The following ZKSCAN5 variants were observed in gnomAD, a reference collection of about 807,000 sequenced individuals.
ZKSCAN5 encodes zinc finger protein with KRAB and SCAN domains 5.
Under a neutral mutation model 60.0 loss-of-function variants are expected in ZKSCAN5, and 28 were observed. The ratio of observed to expected loss-of-function variants is 0.47; its 90% CI spans 0.35 to 0.64. The LOEUF (loss-of-function observed/expected upper bound fraction) is 0.64. Ranked by LOEUF, ZKSCAN5 falls within the 30% of genes least tolerant of loss-of-function variation. The pLI, the probability that ZKSCAN5 is intolerant of heterozygous loss-of-function variation, is 0.01. For missense variants in ZKSCAN5, 881 were observed against 1,034.6 expected, an observed-to-expected ratio of 0.85 and a Z score of 2.04; for synonymous variants, 361 against 371.2, an observed-to-expected ratio of 0.97 and a Z score of 0.31.
chr7:99,512,366 A>G, intron 2 of ZKSCAN5, 87 bp from the exon 3 acceptor site: 1 of 1,504,126 alleles, frequency 6.6e-7, no homozygotes, highest in East Asian at 2.3e-5. Context: ...TTGGCAAAGG[A>G]ATGAATGAAA....
At chr7:99,519,702 A>G (rs1562909462) in intron 3 of ZKSCAN5, 125 bp from the exon 4 acceptor site, 1 of 798,340 alleles carries the variant, frequency 1.3e-6, no homozygotes, top group Non-Finnish European at 2.0e-6. Context: ...CTTGACAGCC[A>G]GGCAGAAGAA....
chr7:99,516,122 C>A (rs1391342661), intron 3 of ZKSCAN5, among the ~76,000 whole-genome samples: 3 of 152,072 alleles, frequency 2.0e-5, no homozygotes, highest in Non-Finnish European at 4.4e-5. Context: ...GGTTTACAGG[C>A]ATGTGCCACC....
At position 99,533,275 on chromosome 7, in the gene ZKSCAN5, T is replaced by C; in HGVS notation, c.*1026T>C. ...TCGTGAGCAGGCAGGCAGGAGGTCC[T>C]GTTAGCCCTGCCTTCCAGGAAGGTT... On this transcript the variant is annotated 3_prime_UTR_variant, in exon 7 of 7. Transcript: ENST00000326775. 1.5e-6 allele frequency: 1 copy of C among 683,856 alleles called. No homozygotes were observed. The highest frequency in any genetic ancestry group is 2.7e-6 in the Non-Finnish European group (1 of 373,338). 42.4% of individuals were successfully genotyped at this position (683,856 alleles called of 1,614,324 possible).
chr7:99,517,029 G>A (rs1239927001), intron 3 of ZKSCAN5, among the ~76,000 whole-genome samples: 1 of 152,162 alleles, frequency 6.6e-6, no homozygotes, highest in African/African-American at 2.4e-5. Flanking sequence ...AACCATAGCT[G>A]ATGAGCTTAA....
chr7:99,506,032 CCT>C lies in ZKSCAN5; in HGVS notation c.-10_-9del. The stretch of plus-strand genomic sequence containing the variant: ...TAACACAGCCAGCCTCGAAGACTTC[CCT>C]CTGAGTTGGAATGATAATGACCGAA... On this transcript the variant is annotated 5_prime_UTR_variant, in exon 2 of 7. Coordinates refer to ENST00000326775, the MANE Select transcript of ZKSCAN5 (RefSeq NM_145102.4). 1 of 1,606,932 alleles carries C rather than the reference CCT, an allele frequency of 6.2e-7. No homozygotes were observed. Among genetic ancestry groups the C allele is most frequent in the Non-Finnish European group, 8.5e-7 (1 of 1,175,544 alleles).
chr7:99,507,839 GA>G (rs144834911), intron 2 of ZKSCAN5, among the ~76,000 whole-genome samples: 95 of 152,044 alleles, frequency 6.2e-4, no homozygotes, highest in Non-Finnish European at 1.1e-3. Context: ...CTGGTAGTTT[GA>G]GGCTGCAGTG....
intron 3 of ZKSCAN5, among the ~76,000 whole-genome samples, chr7:99,513,091 T>A (rs1801116185): frequency 6.6e-6 from 1 of 151,058 alleles, no homozygotes; most frequent in Admixed American, 6.6e-5. Flanking sequence ...GGTTTTTTGT[T>A]CTTGCGATAG....
chr7:99,523,667 GA>G (rs558943649), intron 5 of ZKSCAN5, among the ~76,000 whole-genome samples: 4 of 151,442 alleles, frequency 2.6e-5, no homozygotes, highest in African/African-American at 7.3e-5. Context: ...GAATAAAAGA[GA>G]AAAAAAATAC....
rs985074208 is a variant in ZKSCAN5, at chr7:99,533,666, G to C, written c.*1417G>C. Reference sequence around the variant, plus strand: ...ACACCTGGTTCATTTGATTAAAGCGGAGAAAACTCCAGGGTGCTATGACTG... The same window carrying C: ...ACACCTGGTTCATTTGATTAAAGCGCAGAAAACTCCAGGGTGCTATGACTG... On this transcript the variant is annotated 3_prime_UTR_variant, in exon 7 of 7. Transcript: ENST00000326775. 1.5e-5 allele frequency: 6 copies of C among 401,758 alleles called. No individual in the cohort carries two copies. Among genetic ancestry groups the C allele is most frequent in the Middle Eastern group, 6.2e-4 (1 of 1,618 alleles). 24.9% of individuals were successfully genotyped at this position (401,758 alleles called of 1,614,324 possible). A position where few individuals can be genotyped will look rare whatever the true frequency, so the allele number is the denominator to read the frequency against.
Position 99,513,857 on chromosome 7 carries a change from G to A in ZKSCAN5, c.553+1266G>A, listed in dbSNP as rs932550246. On this transcript the variant is annotated intron_variant, in intron 3 of 6. Transcript: ENST00000326775. Reference sequence around the variant, plus strand: ...AGCCTGGCCAACATGATGAAACCCCGTCATGATGAAACACCGTCTCTACTA... The same window carrying A: ...AGCCTGGCCAACATGATGAAACCCCATCATGATGAAACACCGTCTCTACTA... 38 of 174,090 alleles carry A rather than the reference G, an allele frequency of 2.2e-4. No individual in the cohort carries two copies. In the Admixed American group the frequency reaches 2.3e-3, roughly 11 times the overall value. 10.8% of individuals were successfully genotyped at this position (174,090 alleles called of 1,614,324 possible).
At chr7:99,507,720 C>T (rs900940677) in intron 2 of ZKSCAN5, among the ~76,000 whole-genome samples, 7 of 151,202 alleles carry the variant, frequency 4.6e-5, no homozygotes, top group African/African-American at 9.7e-5. Context: ...GGTAGCATAG[C>T]GAGACCCCAT....
chr7:99,521,467 A>T (rs900625434), intron 5 of ZKSCAN5, among the ~76,000 whole-genome samples: 3 of 152,116 alleles, frequency 2.0e-5, no homozygotes, highest in African/African-American at 7.2e-5. Context: ...AAGTGTTGGG[A>T]TTAACAGGTG....
At chr7:99,506,543 G>A in intron 2 of ZKSCAN5, 85 bp downstream of exon 2, 1 of 1,444,010 alleles carries the variant, frequency 6.9e-7, no homozygotes, top group Admixed American at 2.7e-5. Context: ...GTCCTCTGCT[G>A]CTTCATTCAT....
chr7:99,519,920 G>T lies in ZKSCAN5; in HGVS notation c.636+11G>T. On this transcript the variant is annotated intron_variant, in intron 4 of 6. Coordinates refer to ENST00000326775, the MANE Select transcript of ZKSCAN5 (RefSeq NM_145102.4). ...TCAACTGGGTCCCAGGTGAGCTGGTGCCCCTTTGCCCTCAGAGAGGACCCA... is the reference window on the plus strand; with the variant it reads ...TCAACTGGGTCCCAGGTGAGCTGGTTCCCCTTTGCCCTCAGAGAGGACCCA... The T allele has an allele frequency of 6.2e-7, 1 of 1,613,848 alleles. No individual in the cohort carries two copies.
chr7:99,521,113 T>C (rs1801520390), intron 5 of ZKSCAN5, among the ~76,000 whole-genome samples: 1 of 152,210 alleles, frequency 6.6e-6, no homozygotes, highest in African/African-American at 2.4e-5. Flanking sequence ...AGCCTTTTTT[T>C]AGTAAATTCT....
rs1262134722 is a variant in ZKSCAN5 at position 99,532,289 on chromosome 7, C to T, written c.*40C>T. The T allele has an allele frequency of 6.6e-7, 1 of 1,515,226 alleles. No individual in the cohort carries two copies. The highest frequency in any genetic ancestry group is 8.8e-7 in the Non-Finnish European group (1 of 1,135,666). The allele number at this position is 1,515,226 out of a possible 1,614,324, so 93.9% of individuals were successfully genotyped here. ...TTAGAGAAACCTTCCTGGAGGGAAA[C>T]CATACTCCTATAATGAGCAAAGTAA... is the stretch of plus-strand genomic sequence containing the variant. On this transcript the variant is annotated 3_prime_UTR_variant, in exon 7 of 7. Transcript: ENST00000326775.
Position 99,509,469 on chromosome 7 carries a change from CT to C in ZKSCAN5, c.415-2969del, listed in dbSNP as rs774573507. On this transcript the variant is annotated intron_variant, in intron 2 of 6. Transcript: ENST00000326775. ...AAATTTCTTTTGTTTGACCACAGCA[CT>C]TTTTTTTTTTTTTTGAGACAGAGTC... 6.9e-3 allele frequency among the ~76,000 whole-genome samples: 957 copies of C among 138,286 alleles called. 6 individuals are homozygous for C. The highest frequency in any genetic ancestry group is 0.017 in the African/African-American group (653 of 37,980). 90.7% of individuals were successfully genotyped at this position (138,286 alleles called of 152,430 possible). A position where few individuals can be genotyped will look rare whatever the true frequency, so the allele number is the denominator to read the frequency against.
chr7:99,508,700 G>A (rs1029062165), intron 2 of ZKSCAN5, among the ~76,000 whole-genome samples: 4 of 149,504 alleles, frequency 2.7e-5, no homozygotes, highest in Non-Finnish European at 5.9e-5. Context: ...AGTGAGCCGA[G>A]ATTGCGCCAC....
At chr7:99,520,431 TG>T in intron 5 of ZKSCAN5, 127 bp downstream of exon 5, 2 of 1,130,712 alleles carry the variant, frequency 1.8e-6, no homozygotes, top group Non-Finnish European at 2.4e-6. Context: ...TTTTATTTTT[TG>T]TAAAAGAATA....
Sources: allele counts gnomAD v4.1 joint callset (sites outside exome capture counted in the v4.1 genomes callset), GRCh38; gene constraint gnomAD v4.1.1; transcripts MANE v1.5; gene names NCBI Gene and HGNC (gene_info 2026-07-23, HGNC 2026-07-21).